PTPRN2: variants seen among roughly 807,000 people sequenced by gnomAD.
PTPRN2 encodes the protein receptor-type tyrosine-protein phosphatase N2.
PTPRN2 carries 74 observed loss-of-function variants against 118.8 expected under a neutral mutation model. The ratio of observed to expected loss-of-function variants is 0.62; its 90% CI spans 0.52 to 0.76. The LOEUF (loss-of-function observed/expected upper bound fraction) is 0.76. Among genes scored for constraint, PTPRN2 ranks in the 30% least tolerant of loss-of-function variants. PTPRN2 has a pLI of 0.00. For synonymous variants in PTPRN2, 641 were observed against 608.0 expected (o/e 1.05, Z -0.80); for missense variants, 1,481 against 1,394.4 (o/e 1.06, Z -0.99).
chr7:158,196,698 GA>G (rs1307569356), intron 4 of PTPRN2, among the ~76,000 whole-genome samples: 1 of 152,174 alleles, frequency 6.6e-6, no homozygotes, highest in African/African-American at 2.4e-5. Flanking sequence ...GGCTAGTGAG[GA>G]TCTTGGGGGA....
At chr7:158,391,010 C>T (rs755900513) in intron 2 of PTPRN2, among the ~76,000 whole-genome samples, 1 of 152,212 alleles carries the variant, frequency 6.6e-6, no homozygotes, top group Non-Finnish European at 1.5e-5. Context: ...CCCACCTCCA[C>T]TAATTCACCA....
At chr7:158,416,452 C>G (rs1385610619) in intron 2 of PTPRN2, among the ~76,000 whole-genome samples, 1 of 152,232 alleles carries the variant, frequency 6.6e-6, no homozygotes, top group African/African-American at 2.4e-5. Context: ...CACATGTTAA[C>G]AGCCATGTGG....
At chr7:158,130,776 T>C (rs1818146546) in intron 9 of PTPRN2, among the ~76,000 whole-genome samples, 1 of 148,142 alleles carries the variant, frequency 6.8e-6, no homozygotes, top group Non-Finnish European at 1.5e-5. Flanking sequence ...TATACATACA[T>C]GCACATATGC....
intron 1 of PTPRN2, among the ~76,000 whole-genome samples, chr7:158,508,211 C>A (rs1822911451): frequency 6.6e-6 from 1 of 151,084 alleles, no homozygotes; most frequent in Non-Finnish European, 1.5e-5. Flanking sequence ...TCAGTGAGGA[C>A]CGTCCAGGGG....
At chr7:158,573,484 A>G (rs987807290) in intron 1 of PTPRN2, among the ~76,000 whole-genome samples, 5 of 152,144 alleles carry the variant, frequency 3.3e-5, no homozygotes, top group Admixed American at 6.5e-5. Context: ...AGGAGTGACC[A>G]CTTCTCCTTT....
At chr7:158,146,924 C>T (rs536366037) in intron 6 of PTPRN2, among the ~76,000 whole-genome samples, 1 of 151,420 alleles carries the variant, frequency 6.6e-6, no homozygotes, top group African/African-American at 2.4e-5. Context: ...GAATGACACC[C>T]CATCTCACGC....
At chr7:157,558,819 T>C (rs1255671815) in intron 21 of PTPRN2, among the ~76,000 whole-genome samples, 6 of 152,232 alleles carry the variant, frequency 3.9e-5, no homozygotes, top group Non-Finnish European at 1.5e-5. Context: ...TCGGTCCCTC[T>C]GAGTCTATTT....
chr7:158,102,894 C>T (rs190622375), intron 10 of PTPRN2, among the ~76,000 whole-genome samples: 1 of 152,144 alleles, frequency 6.6e-6, no homozygotes, highest in African/African-American at 2.4e-5. Flanking sequence ...GCACTGCAGA[C>T]CCGGGAGGAC....
chr7:158,579,778 C>T (rs1045071001), intron 1 of PTPRN2, among the ~76,000 whole-genome samples: 24 of 152,236 alleles, frequency 1.6e-4, no homozygotes, highest in African/African-American at 5.3e-4. Context: ...GTTACCTTAA[C>T]TGATCATAAT....
chr7:158,364,621 C>G (rs1809285045), intron 2 of PTPRN2, among the ~76,000 whole-genome samples: 1 of 152,228 alleles, frequency 6.6e-6, no homozygotes, highest in Non-Finnish European at 1.5e-5. Flanking sequence ...TTCACGCTGA[C>G]ACGCTGAGAG....
At chr7:158,160,167 A>G (rs185465062) in intron 6 of PTPRN2, among the ~76,000 whole-genome samples, 1 of 152,340 alleles carries the variant, frequency 6.6e-6, no homozygotes, top group Non-Finnish European at 1.5e-5. Flanking sequence ...TTAAGTGTCA[A>G]CTTGACTGGG....
chr7:158,167,138 T>C lies in PTPRN2; in HGVS notation c.703A>G (p.Ser235Gly), dbSNP rs1352122229. 1.2e-6 allele frequency: 2 copies of C among 1,613,860 alleles called. No individual in the cohort carries two copies. The highest frequency in any genetic ancestry group is 2.7e-5 in the African/African-American group (2 of 74,894). ...ATCAGATGGTGTCTGTCCACACCAC[T>C]GTCCACCTTAGGGCTGAGCTCATCT... ...QPDELSPKVD[S>G]GVDRHHLMAA... The change falls in exon 6 of 23, where the codon AGT (serine) becomes GGT (glycine). Residue 235 changes from serine (S) to glycine (G), a missense_variant. By Grantham distance (56) the Ser-to-Gly change is moderately conservative. Transcript: ENST00000389418.
chr7:158,248,746 G>A (rs1303668273), intron 3 of PTPRN2, among the ~76,000 whole-genome samples: 7 of 58,658 alleles, frequency 1.2e-4, no homozygotes, highest in South Asian at 1.2e-3. Flanking sequence ...CCCTACACAC[G>A]CACACACATC....
intron 2 of PTPRN2, among the ~76,000 whole-genome samples, chr7:158,358,710 G>A (rs886711868): frequency 1.7e-4 from 26 of 152,216 alleles, no homozygotes; most frequent in African/African-American, 6.3e-4. Flanking sequence ...CTGCAGCCGG[G>A]CACATGCTCC....
chr7:158,056,154 A>T (rs1809771701), intron 11 of PTPRN2, among the ~76,000 whole-genome samples: 1 of 152,272 alleles, frequency 6.6e-6, no homozygotes, highest in African/African-American at 2.4e-5. Context: ...CTGCCTTCGT[A>T]TTGGCCTTGG....
intron 11 of PTPRN2, among the ~76,000 whole-genome samples, chr7:157,948,416 A>G (rs1800610901): frequency 6.6e-6 from 1 of 152,194 alleles, no homozygotes. Flanking sequence ...TGTAATTCCC[A>G]TGGTAACCAC....
intron 15 of PTPRN2, 151 bp downstream of exon 15, chr7:157,621,211 G>A (rs1283167674): frequency 3.0e-6 from 4 of 1,313,188 alleles, no homozygotes; most frequent in African/African-American, 1.5e-5. Context: ...CAGGCCTCCC[G>A]TCCCCGGGGC....
At chr7:158,273,276 G>A (rs1184680346) in intron 3 of PTPRN2, among the ~76,000 whole-genome samples, 3 of 152,178 alleles carry the variant, frequency 2.0e-5, no homozygotes, top group Admixed American at 1.3e-4. Context: ...AACGTTTATG[G>A]CCAGTGAGCA....
rs765302059 is a variant in PTPRN2, at chr7:157,585,557, A to G, written c.2497-7417T>C. Among the ~76,000 whole-genome samples, 1 of 152,206 alleles carries G rather than the reference A, an allele frequency of 6.6e-6. No homozygotes were observed. Among genetic ancestry groups the G allele is most frequent in the Non-Finnish European group, 1.5e-5 (1 of 68,026 alleles). ...TTGTGATCAGGCATTGGACCCGCAC[A>G]GGAAGTCACCTGGCACAGGCGTCAC... On this transcript the variant is annotated intron_variant, in intron 17 of 22. Coordinates refer to ENST00000389418, the MANE Select transcript of PTPRN2 (RefSeq NM_002847.5). This position sits in a 1 kb window ranked among gnomAD's most constrained non-coding sequence, Gnocchi z 5.2.
Sources: allele counts gnomAD v4.1 joint callset (sites outside exome capture counted in the v4.1 genomes callset), GRCh38; gene constraint gnomAD v4.1.1; non-coding constraint Gnocchi (gnomAD v3.1); transcripts MANE v1.5; gene names NCBI Gene and HGNC (gene_info 2026-07-23, HGNC 2026-07-21).